CTTNBP2: variants seen among roughly 807,000 people sequenced by gnomAD.
The protein encoded by CTTNBP2 is cortactin binding protein 2, also known as cortactin-binding protein 2.
Under a neutral mutation model 156.9 loss-of-function variants are expected in CTTNBP2, and 108 were observed. The observed-to-expected ratio is 0.69, with a 90% CI of 0.59 to 0.81. The LOEUF is 0.81. CTTNBP2 is among the 30% of genes least tolerant of loss of function. CTTNBP2 has a pLI of 0.00. For synonymous variants in CTTNBP2, 767 were observed against 751.8 expected, an observed-to-expected ratio of 1.02 and a Z score of -0.33; for missense variants, 1,924 against 2,035.4, an observed-to-expected ratio of 0.95 and a Z score of 1.05.
At chr7:117,718,344 C>A (rs73215954) in intron 21 of CTTNBP2, among the ~76,000 whole-genome samples, 2 of 151,886 alleles carry the variant, frequency 1.3e-5, no homozygotes, top group Non-Finnish European at 2.9e-5. Context: ...CCACTTAAAA[C>A]GTCAAAAGAA....
chr7:117,718,007 GGGACACTTACCTTTTGTGACACT>G lies in CTTNBP2; in HGVS notation c.4734_4746+10del. The G allele has an allele frequency of 6.5e-7, 1 of 1,532,942 alleles. No homozygotes were observed. The allele number at this position is 1,532,942 out of a possible 1,614,324, so 95.0% of individuals were successfully genotyped here. The stretch of plus-strand genomic sequence containing the variant: ...ATCCTTTGTTCACTTTGGGGAGAAA[GGGACACTTACCTTTTGTGACACT>G]GGCATTCTCAGATTATTAATAGTTG... On this transcript the variant is annotated splice_donor_variant and splice_donor_5th_base_variant and coding_sequence_variant and intron_variant, in exon 22 of 23. Coordinates refer to ENST00000160373, the MANE Select transcript of CTTNBP2 (RefSeq NM_033427.3). LOFTEE classifies it high-confidence loss of function.
chr7:117,712,934 A>G (rs1794139010), intron 22 of CTTNBP2, among the ~76,000 whole-genome samples: 1 of 152,210 alleles, frequency 6.6e-6, no homozygotes, highest in Non-Finnish European at 1.5e-5. Context: ...GGACCAGTCC[A>G]TGGCCTATTA....
At chr7:117,861,962 A>G (rs1803784836) in intron 1 of CTTNBP2, among the ~76,000 whole-genome samples, 1 of 151,854 alleles carries the variant, frequency 6.6e-6, no homozygotes, top group Non-Finnish European at 1.5e-5. Flanking sequence ...CCAGATTCAT[A>G]TTTCCTCAGG....
At chr7:117,759,567 T>C (rs545917180) in intron 10 of CTTNBP2, among the ~76,000 whole-genome samples, 1 of 152,326 alleles carries the variant, frequency 6.6e-6, no homozygotes, top group South Asian at 2.1e-4. Context: ...GACAGATAAA[T>C]AGCAATGGTA....
intron 2 of CTTNBP2, among the ~76,000 whole-genome samples, chr7:117,812,038 T>C (rs892551753): frequency 6.6e-6 from 1 of 151,970 alleles, no homozygotes; most frequent in Non-Finnish European, 1.5e-5. Flanking sequence ...GGCATCTATC[T>C]CTTTCTCACT....
chr7:117,826,334 A>C (rs1286429746), intron 2 of CTTNBP2, among the ~76,000 whole-genome samples: 1 of 152,194 alleles, frequency 6.6e-6, no homozygotes, highest in East Asian at 1.9e-4. Flanking sequence ...ACAGAGCAAA[A>C]AAGACTTAAA....
intron 2 of CTTNBP2, among the ~76,000 whole-genome samples, chr7:117,835,159 T>C (rs1584515315): frequency 6.6e-6 from 1 of 152,222 alleles, no homozygotes; most frequent in African/African-American, 2.4e-5. Context: ...AGGGGACGGC[T>C]GAAGTTGCAG....
At chr7:117,863,748 G>T (rs537516410) in intron 1 of CTTNBP2, among the ~76,000 whole-genome samples, 35 of 152,200 alleles carry the variant, frequency 2.3e-4, no homozygotes, top group Non-Finnish European at 4.4e-4. Context: ...GAAGGCAGGC[G>T]ATTGTTATTA....
rs538912918 is a variant in CTTNBP2, at chr7:117,826,925, G to A, written c.190-15936C>T. ...TGTCCAGGCTGGAGTGCAGTGGCAC[G>A]ATTTCAGCTCACTGCAACCTCCATC... On this transcript the variant is annotated intron_variant, in intron 2 of 22. Coordinates refer to ENST00000160373, the MANE Select transcript of CTTNBP2 (RefSeq NM_033427.3). Among the ~76,000 whole-genome samples, 21 of 150,784 alleles carry A rather than the reference G, an allele frequency of 1.4e-4. No individual in the cohort carries two copies. In the South Asian group the frequency reaches 2.1e-3, roughly 15 times the overall value.
intron 12 of CTTNBP2, among the ~76,000 whole-genome samples, chr7:117,748,702 T>C (rs1796469628): frequency 6.6e-6 from 1 of 152,264 alleles, no homozygotes; most frequent in African/African-American, 2.4e-5. Context: ...TATGACTTTC[T>C]TGCCCTGCTT....
chr7:117,841,354 G>A (rs1187107494), intron 2 of CTTNBP2, among the ~76,000 whole-genome samples: 2 of 152,052 alleles, frequency 1.3e-5, no homozygotes, highest in Non-Finnish European at 2.9e-5. Context: ...GGACTACTTG[G>A]TAGGGTCTTG....
At chr7:117,793,490 G>C (rs1302815462) in intron 3 of CTTNBP2, 4 of 152,436 alleles carry the variant, frequency 2.6e-5, no homozygotes, top group Non-Finnish European at 5.9e-5. Flanking sequence ...GTCCTGCCTC[G>C]GGGTCTTTGT....
At chr7:117,835,994 A>G (rs1236222504) in intron 2 of CTTNBP2, among the ~76,000 whole-genome samples, 1 of 152,224 alleles carries the variant, frequency 6.6e-6, no homozygotes, top group Non-Finnish European at 1.5e-5. Flanking sequence ...AACGTACAGC[A>G]CAGGCCATGT....
Position 117,713,072 on chromosome 7 carries a change from G to T in CTTNBP2, c.4747-1290C>A, listed in dbSNP as rs1282952688. Among the ~76,000 whole-genome samples, 8 of 152,264 alleles carry T rather than the reference G, an allele frequency of 5.3e-5. No homozygotes were observed. The East Asian group carries it at 1.5e-3, about 29-fold the overall frequency. ...AAACCCTCTTGTGAATTGTGCAAGT[G>T]AGGGGTCTAGGTTGCCCAGTCCTTG... On this transcript the variant is annotated intron_variant, in intron 22 of 22. Transcript: ENST00000160373.
At chr7:117,867,541 C>T (rs1169827023) in intron 1 of CTTNBP2, among the ~76,000 whole-genome samples, 2 of 151,864 alleles carry the variant, frequency 1.3e-5, no homozygotes, top group Admixed American at 6.6e-5. Context: ...GCTCCCCCTG[C>T]CCCCACCCCA....
intron 2 of CTTNBP2, among the ~76,000 whole-genome samples, chr7:117,835,607 A>G (rs1394686766): frequency 6.6e-6 from 1 of 152,204 alleles, no homozygotes; most frequent in Admixed American, 6.5e-5. Context: ...AGTTCTACCA[A>G]ACCTATACTG....
intron 1 of CTTNBP2, among the ~76,000 whole-genome samples, chr7:117,866,510 T>C (rs1804210741): frequency 6.6e-6 from 1 of 152,148 alleles, no homozygotes; most frequent in African/African-American, 2.4e-5. Context: ...TCTCTTCCAA[T>C]TTAAAATCCA....
At chr7:117,757,528 T>TAAAAAAAAA (rs56687697) in intron 11 of CTTNBP2, among the ~76,000 whole-genome samples, 3 of 91,438 alleles carry the variant, frequency 3.3e-5, no homozygotes, top group African/African-American at 3.8e-5. Context: ...TTAAGCACAG[T>TAAAAAAAAA]AAAAAAAAAA....
intron 2 of CTTNBP2, among the ~76,000 whole-genome samples, chr7:117,817,358 AAAAATAT>A (rs1563037651): frequency 5.1e-5 from 4 of 78,936 alleles, no homozygotes; most frequent in African/African-American, 1.8e-4. Flanking sequence ...AAAAAAAAAA[AAAAATAT>A]ATATATATAT....
Sources: gnomAD v4.1 joint callset for allele counts (sites outside exome capture counted in the v4.1 genomes callset) on GRCh38, gnomAD v4.1.1 for gene constraint, MANE v1.5 for transcripts, NCBI Gene and HGNC (gene_info 2026-07-23, HGNC 2026-07-21) for gene names.